The following KLHL32 variants were observed in gnomAD, a reference collection of about 807,000 sequenced individuals.
KLHL32 encodes kelch like family member 32, also known as kelch-like protein 32.
KLHL32 carries 35 observed loss-of-function variants against 64.8 expected under a neutral mutation model. That is an observed-to-expected ratio of 0.54 (90% CI 0.41 to 0.72). The LOEUF is 0.72. Ranked by LOEUF, KLHL32 falls within the 30% of genes least tolerant of loss-of-function variation. KLHL32 has a pLI of 0.00. For missense variants in KLHL32, 589 were observed against 768.5 expected (o/e 0.77, Z 2.76); for synonymous variants, 259 against 281.0 (o/e 0.92, Z 0.78).
intron 5 of KLHL32, among the ~76,000 whole-genome samples, chr6:97,083,964 G>T (rs1792998057): frequency 6.6e-6 from 1 of 151,664 alleles, no homozygotes; most frequent in African/African-American, 2.4e-5. Flanking sequence ...AAGCCCATCT[G>T]CCCCAAAAGG....
At chr6:96,963,020 T>C (rs1774042377) in intron 1 of KLHL32, among the ~76,000 whole-genome samples, 3 of 152,218 alleles carry the variant, frequency 2.0e-5, no homozygotes, top group Admixed American at 6.5e-5. Context: ...TGAAAACCAC[T>C]ATGCCTGTTG....
chr6:97,057,903 T>C (rs922568432), intron 4 of KLHL32, among the ~76,000 whole-genome samples: 1 of 152,232 alleles, frequency 6.6e-6, no homozygotes, highest in African/African-American at 2.4e-5. Context: ...TAATCCGTTT[T>C]GAGTTTATTT....
Position 97,111,038 on chromosome 6 carries a change from G to GC in KLHL32, c.628-2745_628-2744insC, listed in dbSNP as rs1301510390. ...ATACCACAGAAAAGTCTTGGGGGGG[G>GC]GGGGTCTTAGCCAACCACCTGTTAC... On this transcript the variant is annotated intron_variant, in intron 6 of 10. Coordinates refer to ENST00000369261, the MANE Select transcript of KLHL32 (RefSeq NM_052904.4). Among the ~76,000 whole-genome samples, 552 of 152,190 alleles carry GC rather than the reference G, an allele frequency of 3.6e-3. 6 individuals carry two copies. The highest frequency in any genetic ancestry group is 0.012 in the African/African-American group (507 of 41,506).
At chr6:96,952,131 T>C (rs2128011846) in intron 1 of KLHL32, among the ~76,000 whole-genome samples, 1 of 152,322 alleles carries the variant, frequency 6.6e-6, no homozygotes, top group South Asian at 2.1e-4. Flanking sequence ...GATGGCATCC[T>C]GTCCAGGATG....
At chr6:96,925,705 A>G (rs1030713974) in intron 1 of KLHL32, among the ~76,000 whole-genome samples, 1 of 152,266 alleles carries the variant, frequency 6.6e-6, no homozygotes, top group African/African-American at 2.4e-5. Context: ...CAGAACAGGA[A>G]TACGTTTGTG....
the KLHL32 span, among the ~76,000 whole-genome samples, chr6:96,911,495 C>T: frequency 6.6e-6 from 1 of 152,164 alleles, no homozygotes; most frequent in Admixed American, 6.5e-5. Flanking sequence ...TTCCCACCAG[C>T]ATTTAAGTGT....
intron 5 of KLHL32, among the ~76,000 whole-genome samples, chr6:97,075,736 A>T (rs532923534): frequency 6.6e-6 from 1 of 152,296 alleles, no homozygotes; most frequent in Admixed American, 6.5e-5. Context: ...GTAGTCACAT[A>T]ATACCTTGAT....
intron 4 of KLHL32, among the ~76,000 whole-genome samples, chr6:97,064,277 C>T (rs75897871): frequency 5.9e-5 from 9 of 152,152 alleles, no homozygotes; most frequent in African/African-American, 2.2e-4. Flanking sequence ...AAACTCAGTT[C>T]TTTTGCATTT....
At position 97,100,712 on chromosome 6, in the gene KLHL32, T is replaced by C. The variant is rs548983106; in HGVS notation, c.628-13071T>C. On this transcript the variant is annotated intron_variant, in intron 6 of 10. Transcript: ENST00000369261. ...GGGGCAGCTGCTTGAGCCCTTGAGG[T>C]CCATTTGGTTATAATATTGAAGATT... Among the ~76,000 whole-genome samples the C allele has an allele frequency of 1.5e-3, 230 of 152,018 alleles. 2 individuals carry two copies. The highest frequency in any genetic ancestry group is 4.4e-3 in the South Asian group (21 of 4,818).
chr6:96,979,013 ATTTG>A (rs1776009605), intron 3 of KLHL32, among the ~76,000 whole-genome samples: 1 of 151,686 alleles, frequency 6.6e-6, no homozygotes, highest in African/African-American at 2.4e-5. Flanking sequence ...TTGCTTGCTA[ATTTG>A]TTTAACTTCT....
intron 4 of KLHL32, among the ~76,000 whole-genome samples, chr6:97,053,105 C>G (rs779684320): frequency 6.6e-5 from 10 of 152,092 alleles, no homozygotes; most frequent in African/African-American, 9.7e-5. Flanking sequence ...CACACACACG[C>G]ACACACATTC....
At chr6:97,031,257 C>T (rs1783493664) in intron 3 of KLHL32, among the ~76,000 whole-genome samples, 1 of 152,174 alleles carries the variant, frequency 6.6e-6, no homozygotes, top group Admixed American at 6.5e-5. Context: ...ATACCCAAGA[C>T]ATTGACCTTG....
chr6:97,064,586 A>T, intron 4 of KLHL32, 42 bp from the exon 5 acceptor site: 1 of 1,411,184 alleles, frequency 7.1e-7, no homozygotes, highest in Non-Finnish European at 1.0e-6. Context: ...TTATATTTTT[A>T]AGTGTAACTG....
At chr6:97,015,793 A>T (rs1035867172) in intron 3 of KLHL32, among the ~76,000 whole-genome samples, 1 of 152,062 alleles carries the variant, frequency 6.6e-6, no homozygotes, top group Non-Finnish European at 1.5e-5. Flanking sequence ...AGCCCCTCCC[A>T]TCAGAGGCAT....
At chr6:97,023,428 G>C (rs1782286290) in intron 3 of KLHL32, among the ~76,000 whole-genome samples, 1 of 152,076 alleles carries the variant, frequency 6.6e-6, no homozygotes, top group African/African-American at 2.4e-5. Flanking sequence ...AAGTAAAACT[G>C]ATTTTCTTTA....
At chr6:96,902,387 T>C in the KLHL32 span, among the ~76,000 whole-genome samples, 1 of 152,256 alleles carries the variant, frequency 6.6e-6, no homozygotes, top group African/African-American at 2.4e-5. Flanking sequence ...GTTGGCTGCA[T>C]GTATGTTTTA....
rs576303789 is a variant in KLHL32, at chr6:96,980,815, A to G, written c.204+4638A>G. Among the ~76,000 whole-genome samples the G allele has an allele frequency of 4.6e-5, 7 of 152,252 alleles. No homozygotes were observed. The South Asian group carries it at 1.0e-3, about 23-fold the overall frequency. On this transcript the variant is annotated intron_variant, in intron 3 of 10. Coordinates refer to ENST00000369261, the MANE Select transcript of KLHL32 (RefSeq NM_052904.4). The stretch of plus-strand genomic sequence containing the variant: ...TGGGCATGTTCAGGTTAATAGGTAT[A>G]TTAGTCCGTTCTCATGCTGCTAATA...
the KLHL32 span, among the ~76,000 whole-genome samples, chr6:96,898,969 A>G: frequency 6.6e-6 from 1 of 152,224 alleles, no homozygotes; most frequent in Non-Finnish European, 1.5e-5. Context: ...GTAAGAAAAT[A>G]TTGATGTAAA....
chr6:97,060,434 C>T (rs946605117), intron 4 of KLHL32, among the ~76,000 whole-genome samples: 1 of 152,052 alleles, frequency 6.6e-6, no homozygotes, highest in South Asian at 2.1e-4. Context: ...GTGGGGTGTC[C>T]CTACTCCCAC....
Sources: gnomAD v4.1 joint callset for allele counts (sites outside exome capture counted in the v4.1 genomes callset) on GRCh38, gnomAD v4.1.1 for gene constraint, MANE v1.5 for transcripts, NCBI Gene and HGNC (gene_info 2026-07-23, HGNC 2026-07-21) for gene names.